DLD: variants seen among roughly 807,000 people sequenced by gnomAD.
DLD encodes dihydrolipoamide dehydrogenase.
In DLD, 36 loss-of-function variants were observed where a neutral mutation model predicts 62.2. That is an observed-to-expected ratio of 0.58 (90% confidence interval 0.44 to 0.76). DLD has a LOEUF of 0.76. Among genes scored for constraint, DLD ranks in the 30% least tolerant of loss-of-function variants. The pLI is 0.00. For synonymous variants in DLD, 204 were observed against 199.6 expected, an observed-to-expected ratio of 1.02 and a Z score of -0.19; for missense variants, 541 against 608.6, an observed-to-expected ratio of 0.89 and a Z score of 1.17.
intron 5 of DLD, among the ~76,000 whole-genome samples, chr7:107,903,978 G>A (rs1191169639): frequency 2.0e-5 from 3 of 152,138 alleles, no homozygotes; most frequent in Non-Finnish European, 2.9e-5. Flanking sequence ...GAGGCATAGC[G>A]GAAAAGGAAG....
rs1267571380 is a variant in DLD, at chr7:107,917,440, C to A, written c.1214C>A (p.Ser405Ter). Residue 405 changes from serine to a stop codon, truncating the protein, a stop_gained, in exon 11 of 14, where the codon TCA becomes TAA. Coordinates refer to ENST00000205402, the MANE Select transcript of DLD (RefSeq NM_000108.5). LOFTEE classifies it high-confidence loss of function. The part of the protein sequence containing the change: ...THPEVAWVGK[S>*]EEQLKEEGIE... ...CCTGAAGTTGCTTGGGTTGGCAAAT[C>A]AGAAGAGCAGTTGAAAGAAGAGGTA... 1.9e-6 allele frequency: 3 copies of A among 1,613,980 alleles called. No individual in the cohort carries two copies. The African/African-American group carries it at 4.0e-5, about 22-fold the overall frequency.
chr7:107,917,996 G>A lies in DLD; in HGVS notation c.1309G>A (p.Gly437Ser). ...SRAKTNADTD[G>S]MVKILGQKST... The stretch of plus-strand genomic sequence containing the variant: ...AGCTAAGACAAATGCTGACACAGAT[G>A]GCATGGTGAAGATCCTTGGGCAGAA... The change falls in exon 12 of 14, where the codon GGC (glycine) becomes AGC (serine). Residue 437 changes from glycine (G) to serine (S), a missense_variant. Physicochemically the swap from Gly to Ser is moderately conservative, Grantham distance 56 (BLOSUM62 0). Coordinates refer to ENST00000205402, the MANE Select transcript of DLD (RefSeq NM_000108.5). 1.2e-6 allele frequency: 2 copies of A among 1,614,080 alleles called. No individual in the cohort carries two copies. The highest frequency in any genetic ancestry group is 1.7e-6 in the Non-Finnish European group (2 of 1,179,960).
chr7:107,891,113 G>A (rs1328435260), upstream of DLD: 4 of 1,101,410 alleles, frequency 3.6e-6, no homozygotes, highest in African/African-American at 4.6e-5. Context: ...CGGTAGAACC[G>A]CGCGGGCCAA....
chr7:107,893,990 C>G (rs1276518242), intron 2 of DLD, among the ~76,000 whole-genome samples: 11 of 152,060 alleles, frequency 7.2e-5, no homozygotes, highest in Admixed American at 6.5e-4. Context: ...TCTTGACATC[C>G]TGAATGAAAG....
intron 5 of DLD, chr7:107,904,561 G>A (rs1157427037): frequency 1.0e-5 from 4 of 388,324 alleles, no homozygotes; most frequent in East Asian, 7.2e-5. Context: ...ATTTTTAAAC[G>A]TGTATTTTTT....
intron 7 of DLD, 127 bp from the exon 8 acceptor site, chr7:107,906,139 AT>A: frequency 3.2e-6 from 2 of 628,654 alleles, no homozygotes; most frequent in Non-Finnish European, 5.7e-6. Context: ...GCAACCATCA[AT>A]TTTTTTCCTG....
At position 107,893,238 on chromosome 7, in the gene DLD, A is replaced by G; in HGVS notation, c.78A>G (p.Gly26=). ...ATCGAATATCTCATGGCCTACAGGG[A>G]CTTTCTGCAGTGCCTCTGAGAACTT... ...HFNRISHGLQ[G]LSAVPLRTYA... Residue 26 remains glycine, a synonymous_variant, in exon 2 of 14, where the codon GGA becomes GGG. Coordinates refer to ENST00000205402, the MANE Select transcript of DLD (RefSeq NM_000108.5). The G allele has an allele frequency of 1.2e-6, 2 of 1,613,534 alleles. No individual in the cohort carries two copies. The highest frequency in any genetic ancestry group is 1.7e-6 in the Non-Finnish European group (2 of 1,179,768).
chr7:107,912,452 T>C (rs1321094872), intron 8 of DLD, among the ~76,000 whole-genome samples: 4 of 152,148 alleles, frequency 2.6e-5, no homozygotes, highest in African/African-American at 9.6e-5. Flanking sequence ...ACTAACAGTG[T>C]ATGAGGGTTC....
chr7:107,909,787 C>T (rs2032094930), intron 8 of DLD, among the ~76,000 whole-genome samples: 1 of 150,224 alleles, frequency 6.7e-6, no homozygotes, highest in African/African-American at 2.4e-5. Flanking sequence ...TCCCAGAGTT[C>T]ACTGAGAGTG....
chr7:107,916,993 G>A (rs1402258998), intron 10 of DLD, 29 bp downstream of exon 10: 1 of 1,607,466 alleles, frequency 6.2e-7, no homozygotes, highest in Admixed American at 1.7e-5. Flanking sequence ...TGCATTTTCA[G>A]TAATTTTAAA....
At chr7:107,903,780 A>G (rs1217923818) in intron 5 of DLD, 5 of 384,286 alleles carry the variant, frequency 1.3e-5, no homozygotes, top group Non-Finnish European at 2.5e-5. Flanking sequence ...CTACCATTAT[A>G]TCTTCTGTTC....
At chr7:107,914,295 T>G (rs2032212859) in intron 8 of DLD, among the ~76,000 whole-genome samples, 1 of 152,166 alleles carries the variant, frequency 6.6e-6, no homozygotes, top group Admixed American at 6.5e-5. Flanking sequence ...CCTTATCAGA[T>G]AGAAGTTTTG....
At chr7:107,909,663 G>A (rs987942380) in intron 8 of DLD, among the ~76,000 whole-genome samples, 2 of 152,014 alleles carry the variant, frequency 1.3e-5, no homozygotes, top group African/African-American at 2.4e-5. Context: ...TGTGAAACCA[G>A]CTGATTAATA....
chr7:107,891,194 G>A lies in DLD; in HGVS notation c.-57G>A, dbSNP rs2031558438. The A allele has an allele frequency of 1.2e-6, 2 of 1,608,448 alleles. No homozygotes were observed. The highest frequency in any genetic ancestry group is 1.7e-6 in the Non-Finnish European group (2 of 1,175,306). On this transcript the variant is annotated 5_prime_UTR_variant, in exon 1 of 14. Transcript: ENST00000205402. ...CAGGGAGGGGAGACCTTGGCGGAGC[G>A]GCGGAGGCGCCCAGCGGAGGTGAAA...
intron 2 of DLD, among the ~76,000 whole-genome samples, chr7:107,900,046 TAAA>T (rs879426294): frequency 5.9e-5 from 9 of 152,092 alleles, no homozygotes; most frequent in Non-Finnish European, 7.4e-5. Flanking sequence ...GCAGGGTGGC[TAAA>T]AAGCACAGAT....
At chr7:107,902,220 C>A in intron 3 of DLD, 105 bp from the exon 4 acceptor site, 1 of 994,018 alleles carries the variant, frequency 1.0e-6, no homozygotes. Context: ...GAAAACATAG[C>A]CCGAATAGCT....
chr7:107,891,246 GA>G lies in DLD; in HGVS notation c.1del. On this transcript the variant is annotated 5_prime_UTR_variant, in exon 1 of 14. Coordinates refer to ENST00000205402, the MANE Select transcript of DLD (RefSeq NM_000108.5). The stretch of plus-strand genomic sequence containing the variant: ...TATTGGCGGAAAGGAAAATACAGCG[GA>G]AAAATGCAGAGCTGGAGTCGTGTGT... 1 of 1,614,150 alleles carries G rather than the reference GA, an allele frequency of 6.2e-7. No homozygotes were observed. Among genetic ancestry groups the G allele is most frequent in the South Asian group, 1.1e-5 (1 of 91,078 alleles).
chr7:107,911,149 C>T (rs2032130371), intron 8 of DLD, among the ~76,000 whole-genome samples: 1 of 152,170 alleles, frequency 6.6e-6, no homozygotes. Context: ...CAGTCATTCT[C>T]CATTTCTCCC....
intron 2 of DLD, among the ~76,000 whole-genome samples, chr7:107,897,398 GT>G (rs2031752900): frequency 1.3e-5 from 2 of 152,020 alleles, no homozygotes; most frequent in South Asian, 2.1e-4. Flanking sequence ...TTACTTACTA[GT>G]TGTGTAGCCT....
Sources: gnomAD v4.1 joint callset for allele counts (sites outside exome capture counted in the v4.1 genomes callset) on GRCh38, gnomAD v4.1.1 for gene constraint, MANE v1.5 for transcripts, NCBI Gene and HGNC (gene_info 2026-07-23, HGNC 2026-07-21) for gene names.